RORA: variants seen among roughly 807,000 people sequenced by gnomAD.
RORA encodes RAR related orphan receptor A.
In RORA, 7 loss-of-function variants were observed where a neutral mutation model predicts 69.5. The observed-to-expected ratio is 0.10, with a 90% CI of 0.06 to 0.19. The LOEUF (loss-of-function observed/expected upper bound fraction) is 0.19, where lower values mean the gene tolerates loss of function less well. Among genes scored for constraint, RORA ranks in the 10% least tolerant of loss-of-function variants. RORA has a pLI of 1.00. For synonymous variants in RORA, 261 were observed against 240.8 expected (o/e 1.08, Z -0.78); for missense variants, 457 against 663.0 (o/e 0.69, Z 3.41).
At chr15:61,180,199 G>A (rs1197676615) in intron 1 of RORA, among the ~76,000 whole-genome samples, 1 of 147,578 alleles carries the variant, frequency 6.8e-6, no homozygotes, top group East Asian at 2.0e-4. Flanking sequence ...TTACTACACT[G>A]AAGATACCAG....
At chr15:60,842,911 TGA>T (rs2073218313) in intron 1 of RORA, among the ~76,000 whole-genome samples, 1 of 152,182 alleles carries the variant, frequency 6.6e-6, no homozygotes, top group Non-Finnish European at 1.5e-5. Flanking sequence ...ATCTGCTGAG[TGA>T]GAGTGGGTGG....
At chr15:60,720,326 G>A (rs1333780301) in intron 1 of RORA, among the ~76,000 whole-genome samples, 4 of 152,156 alleles carry the variant, frequency 2.6e-5, no homozygotes, top group African/African-American at 9.7e-5. Flanking sequence ...CGGCAAGACG[G>A]CATGCGAGAG....
At position 60,627,419 on chromosome 15, in the gene RORA, C is replaced by T. The variant is rs760045023; in HGVS notation, c.196+51238G>A. The T allele has an allele frequency of 3.1e-6, 5 of 1,612,062 alleles. No homozygotes were observed. The South Asian group carries it at 4.4e-5, about 14-fold the overall frequency. On this transcript the variant is annotated intron_variant, in intron 2 of 10. Coordinates refer to ENST00000335670, the MANE Select transcript of RORA (RefSeq NM_134261.3). ...TCTGCCTCCAGAAACTGGGGCTGTG[C>T]TTTGCCCCAGTGTACTATGGAGTCC...
At chr15:60,529,203 T>A (rs1156699153) in intron 3 of RORA, 1 of 152,352 alleles carries the variant, frequency 6.6e-6, no homozygotes, top group South Asian at 2.1e-4. Context: ...TCTTCTCTCA[T>A]TAGATATCTA....
chr15:60,997,451 C>A (rs1894591557), intron 1 of RORA, among the ~76,000 whole-genome samples: 1 of 152,034 alleles, frequency 6.6e-6, no homozygotes, highest in South Asian at 2.1e-4. Flanking sequence ...ATGACATTCT[C>A]TACAATATTT....
chr15:60,916,381 A>G (rs928389183), intron 1 of RORA, among the ~76,000 whole-genome samples: 2 of 152,244 alleles, frequency 1.3e-5, no homozygotes, highest in Non-Finnish European at 2.9e-5. Context: ...ACGTGCAGAC[A>G]GTCTAAAACA....
chr15:60,962,479 T>C (rs2140344167), intron 1 of RORA, among the ~76,000 whole-genome samples: 1 of 152,268 alleles, frequency 6.6e-6, no homozygotes, highest in South Asian at 2.1e-4. Context: ...ATTTACCTGG[T>C]CCCAAAAGGA....
intron 1 of RORA, among the ~76,000 whole-genome samples, chr15:61,217,752 G>A (rs1465961846): frequency 6.6e-6 from 1 of 152,154 alleles, no homozygotes; most frequent in Non-Finnish European, 1.5e-5. Context: ...ACTGATGTCA[G>A]CTCCAAGCAA....
intron 2 of RORA, among the ~76,000 whole-genome samples, chr15:60,609,505 A>C (rs1236686904): frequency 6.6e-6 from 1 of 152,096 alleles, no homozygotes; most frequent in Non-Finnish European, 1.5e-5. Context: ...CATTTGTCAC[A>C]CTCTAGGAAG....
chr15:61,037,603 T>G (rs565218874), intron 1 of RORA, among the ~76,000 whole-genome samples: 1 of 152,192 alleles, frequency 6.6e-6, no homozygotes, highest in Non-Finnish European at 1.5e-5. Flanking sequence ...AGAGATGACC[T>G]TGGAATGCAG....
chr15:60,630,509 G>A (rs998943690), intron 2 of RORA: 9 of 152,228 alleles, frequency 5.9e-5, no homozygotes, highest in African/African-American at 2.2e-4. Context: ...ACCATTAGCA[G>A]TGGAGCTCCC....
At chr15:61,024,338 C>T (rs1422438403) in intron 1 of RORA, among the ~76,000 whole-genome samples, 1 of 126,938 alleles carries the variant, frequency 7.9e-6, no homozygotes, top group Non-Finnish European at 1.6e-5. Flanking sequence ...CGCTGGAGTG[C>T]AGTGGTTCAG....
chr15:61,163,747 T>A (rs1359421249), intron 1 of RORA, among the ~76,000 whole-genome samples: 1 of 152,106 alleles, frequency 6.6e-6, no homozygotes, highest in Non-Finnish European at 1.5e-5. Flanking sequence ...CATCTTCTCA[T>A]CTCAAAACCA....
chr15:60,873,078 T>A (rs2073574623), intron 1 of RORA, among the ~76,000 whole-genome samples: 2 of 152,192 alleles, frequency 1.3e-5, no homozygotes. Context: ...TTCCTTGATC[T>A]TTTGTCTCTC....
intron 2 of RORA, among the ~76,000 whole-genome samples, chr15:60,576,616 A>G (rs2068033522): frequency 6.6e-6 from 1 of 152,220 alleles, no homozygotes; most frequent in African/African-American, 2.4e-5. Context: ...AATGGAACTG[A>G]TTCTGCCAAG....
chr15:60,866,011 A>AAAG (rs2073483525), intron 1 of RORA, among the ~76,000 whole-genome samples: 3 of 125,748 alleles, frequency 2.4e-5, no homozygotes, highest in Non-Finnish European at 5.4e-5. Context: ...AGTGATCAAA[A>AAAG]TGCATCACCC....
At chr15:60,499,362 A>G (rs1463615261) in intron 10 of RORA, among the ~76,000 whole-genome samples, 2 of 152,080 alleles carry the variant, frequency 1.3e-5, no homozygotes, top group Non-Finnish European at 2.9e-5. Context: ...CAAGATACCC[A>G]TCTCTACAAA....
At chr15:60,688,755 G>A (rs561428601) in intron 1 of RORA, among the ~76,000 whole-genome samples, 1 of 152,288 alleles carries the variant, frequency 6.6e-6, no homozygotes, top group African/African-American at 2.4e-5. Flanking sequence ...ATTTTACACA[G>A]TGCTCGAGAA....
intron 1 of RORA, among the ~76,000 whole-genome samples, chr15:61,180,641 GTATGTTGTGCC>G (rs1225759765): frequency 2.0e-5 from 3 of 152,138 alleles, no homozygotes; most frequent in African/African-American, 7.2e-5. Context: ...TCTTACCTCT[GTATGTTGTGCC>G]TATGTCTATG....
Sources: gnomAD v4.1 joint callset for allele counts (sites outside exome capture counted in the v4.1 genomes callset) on GRCh38, gnomAD v4.1.1 for gene constraint, MANE v1.5 for transcripts, NCBI Gene and HGNC (gene_info 2026-07-23, HGNC 2026-07-21) for gene names.